NAB1: variants seen among roughly 807,000 people sequenced by gnomAD.
NAB1 encodes NGFI-A-binding protein 1.
A neutral mutation model predicts 49.9 loss-of-function variants in NAB1; 25 were observed. The observed-to-expected ratio is 0.50, with a 90% CI of 0.37 to 0.70. The LOEUF (loss-of-function observed/expected upper bound fraction) is 0.70. NAB1 is among the 30% of genes least tolerant of loss of function. The pLI is 0.00. For missense variants in NAB1, 489 were observed against 575.9 expected (o/e 0.85, Z 1.54); for synonymous variants, 198 against 215.6 (o/e 0.92, Z 0.71).
In NAB1 at chr2:190,687,219, T is replaced by G. The variant is rs1343503538; in HGVS notation, c.1277T>G (p.Leu426Arg). The change falls in exon 9 of 10, where the codon CTC becomes CGC. Residue 426 changes from leucine (L) to arginine (R), a missense_variant. Transcript: ENST00000337386. Reference sequence around the variant, plus strand: ...TCATTAGGAGAAAGACCTTTGAATCTCCGAATGCCTAATTTACAGAACAGA... The same window carrying G: ...TCATTAGGAGAAAGACCTTTGAATCGCCGAATGCCTAATTTACAGAACAGA... ...SDGQGERPLN[L>R]RMPNLQNRQP... 3 of 1,584,858 alleles carry G rather than the reference T, an allele frequency of 1.9e-6. No homozygotes were observed. Among genetic ancestry groups the G allele is most frequent in the Non-Finnish European group, 2.6e-6 (3 of 1,171,384 alleles).
Position 190,689,334 on chromosome 2 carries a change from G to A in NAB1, c.1376-911G>A, listed in dbSNP as rs1201800441. Among the ~76,000 whole-genome samples the A allele has an allele frequency of 1.3e-5, 2 of 152,066 alleles. No homozygotes were observed. Among genetic ancestry groups the A allele is most frequent in the South Asian group, 2.1e-4 (1 of 4,820 alleles). On this transcript the variant is annotated intron_variant, in intron 9 of 9. Coordinates refer to ENST00000337386, the MANE Select transcript of NAB1 (RefSeq NM_005966.4). This position sits in a 1 kb window ranked among gnomAD's most constrained non-coding sequence, Gnocchi z 4.3. ...TTAAACAAGATAGTGTACCTGCATCGTACACTATCTATTCCAGCCAGCAGG... is the reference window on the plus strand; with the variant it reads ...TTAAACAAGATAGTGTACCTGCATCATACACTATCTATTCCAGCCAGCAGG...
At position 190,678,195 on chromosome 2, in the gene NAB1, A is replaced by G. The variant is rs973500529; in HGVS notation, c.1005+5043A>G. Among the ~76,000 whole-genome samples the G allele has an allele frequency of 6.6e-6, 1 of 152,230 alleles. No individual in the cohort carries two copies. The highest frequency in any genetic ancestry group is 2.4e-5 in the African/African-American group (1 of 41,470). On this transcript the variant is annotated intron_variant, in intron 6 of 9. Coordinates refer to ENST00000337386, the MANE Select transcript of NAB1 (RefSeq NM_005966.4). This position sits in a 1 kb window ranked among gnomAD's most constrained non-coding sequence, Gnocchi z 4.9. The stretch of plus-strand genomic sequence containing the variant: ...GTCCTACCTATGAAAGAACATATTT[A>G]AGGTGGCTTGACAGCTCATTCAAGG...
rs988114374 is a variant in NAB1, at chr2:190,677,389, T to G, written c.1005+4237T>G. 6.6e-6 allele frequency: 1 copy of G among 152,198 alleles called. No homozygotes were observed. Among genetic ancestry groups the G allele is most frequent in the Non-Finnish European group, 1.5e-5 (1 of 68,034 alleles). 9.4% of individuals were successfully genotyped at this position (152,198 alleles called of 1,614,324 possible). A position where few individuals can be genotyped will look rare whatever the true frequency, so the allele number is the denominator to read the frequency against. Reference sequence around the variant, plus strand: ...TAGCTTAGGTGTGCCTTAAGGAACCTACCATTTGGAATGAAATCTCTAGGG... The same window carrying G: ...TAGCTTAGGTGTGCCTTAAGGAACCGACCATTTGGAATGAAATCTCTAGGG... On this transcript the variant is annotated intron_variant, in intron 6 of 9. Transcript: ENST00000337386. The surrounding 1 kb of genome is among the most constrained non-coding windows in gnomAD (Gnocchi z 5.6).
intron 6 of NAB1, among the ~76,000 whole-genome samples, chr2:190,683,297 A>ATTTTTTTT (rs767640681): frequency 3.9e-5 from 3 of 76,140 alleles, no homozygotes; most frequent in Admixed American, 1.8e-4. Flanking sequence ...CTCCCAGCTA[A>ATTTTTTTT]TTTTTTTTTT....
At position 190,691,809 on chromosome 2, in the gene NAB1, AT is replaced by A. The variant is rs761046122; in HGVS notation, c.*1477del. On this transcript the variant is annotated 3_prime_UTR_variant, in exon 10 of 10. Transcript: ENST00000337386. The surrounding 1 kb of genome is among the most constrained non-coding windows in gnomAD (Gnocchi z 4.1). Reference sequence around the variant, plus strand: ...CTGCTCTAGATCATAATTGTAAAAAATATTAAGTCATAATCTGTTACACTAA... The same window carrying A: ...CTGCTCTAGATCATAATTGTAAAAAAATTAAGTCATAATCTGTTACACTAA... The A allele has an allele frequency of 6.6e-6, 1 of 152,164 alleles. No homozygotes were observed. The highest frequency in any genetic ancestry group is 1.9e-4 in the East Asian group (1 of 5,190). 9.4% of individuals were successfully genotyped at this position (152,164 alleles called of 1,614,324 possible). A position where few individuals can be genotyped will look rare whatever the true frequency, so the allele number is the denominator to read the frequency against.
intron 5 of NAB1, among the ~76,000 whole-genome samples, chr2:190,671,558 C>A (rs1192006193): frequency 1.3e-5 from 2 of 151,646 alleles, no homozygotes; most frequent in East Asian, 1.9e-4. Flanking sequence ...TTGTATTATA[C>A]ACTATTTTCT....
chr2:190,681,150 C>T (rs1333632944), intron 6 of NAB1, among the ~76,000 whole-genome samples: 1 of 152,124 alleles, frequency 6.6e-6, no homozygotes, highest in East Asian at 1.9e-4. Flanking sequence ...AAGGTAGTAA[C>T]TCTGAATTTA....
rs1337003407 is a variant in NAB1, at chr2:190,659,097, T to C, written c.-19-61T>C. The C allele has an allele frequency of 1.8e-6, 2 of 1,096,486 alleles. No homozygotes were observed. Among genetic ancestry groups the C allele is most frequent in the Admixed American group, 5.5e-5 (2 of 36,612 alleles). The allele number at this position is 1,096,486 out of a possible 1,614,324, so 67.9% of individuals were successfully genotyped here. On this transcript the variant is annotated intron_variant, in intron 3 of 9. Transcript: ENST00000337386. The surrounding 1 kb of genome is among the most constrained non-coding windows in gnomAD (Gnocchi z 6.2). ...TCTTAAAACCTGTAGTGTAACCTATTTGGTGTAAGGAGTTTGAAGCAAGTA... is the reference window on the plus strand; with the variant it reads ...TCTTAAAACCTGTAGTGTAACCTATCTGGTGTAAGGAGTTTGAAGCAAGTA...
intron 6 of NAB1, 65 bp from the exon 7 acceptor site, chr2:190,683,673 A>G: frequency 4.3e-6 from 5 of 1,151,786 alleles, no homozygotes; most frequent in Non-Finnish European, 6.3e-6. Flanking sequence ...TTTATTTTCA[A>G]GTTTTTGATA....
chr2:190,653,536 G>C lies in NAB1; in HGVS notation c.-196-2441G>C, dbSNP rs144794583. Among the ~76,000 whole-genome samples, 790 of 152,208 alleles carry C rather than the reference G, an allele frequency of 5.2e-3. 14 individuals are homozygous for C. Among genetic ancestry groups the C allele is most frequent in the African/African-American group, 0.018 (764 of 41,516 alleles). ...CAGGCCTTACTAGGATTTTGCCCGT[G>C]GTTTCTTCCCACTCCTGGAAGTGTG... On this transcript the variant is annotated intron_variant, in intron 2 of 9. Coordinates refer to ENST00000337386, the MANE Select transcript of NAB1 (RefSeq NM_005966.4).
At chr2:190,688,821 T>C (rs898386387) in intron 9 of NAB1, among the ~76,000 whole-genome samples, 1 of 151,662 alleles carries the variant, frequency 6.6e-6, no homozygotes, top group Non-Finnish European at 1.5e-5. Context: ...TTTCTTTCCT[T>C]TCTTTCTTTT....
In NAB1 at chr2:190,659,061, C is replaced by T; in HGVS notation, c.-19-97C>T. On this transcript the variant is annotated intron_variant, in intron 3 of 9. Coordinates refer to ENST00000337386, the MANE Select transcript of NAB1 (RefSeq NM_005966.4). This position sits in a 1 kb window ranked among gnomAD's most constrained non-coding sequence, Gnocchi z 6.2. ...ACAGGCAGTCACGATGCAGATGCTT[C>T]TCGTTTTTGTTCTTAAAACCTGTAG... 1 of 751,162 alleles carries T rather than the reference C, an allele frequency of 1.3e-6. No individual in the cohort carries two copies. Among genetic ancestry groups the T allele is most frequent in the South Asian group, 2.0e-5 (1 of 50,538 alleles). The allele number at this position is 751,162 out of a possible 1,614,324, so 46.5% of individuals were successfully genotyped here. A position where few individuals can be genotyped will look rare whatever the true frequency, so the allele number is the denominator to read the frequency against.
intron 9 of NAB1, 91 bp from the exon 10 acceptor site, chr2:190,690,154 A>G (rs1695884115): frequency 1.1e-6 from 1 of 903,644 alleles, no homozygotes; most frequent in South Asian, 1.4e-5. Context: ...ACTATTTGAT[A>G]TGGAGTTTGG....
intron 9 of NAB1, 28 bp downstream of exon 9, chr2:190,687,345 T>C (rs1055009970): frequency 8.9e-7 from 1 of 1,123,454 alleles, no homozygotes; most frequent in Non-Finnish European, 1.3e-6. Context: ...GATGAGAGGG[T>C]AACACTTGAA....
In NAB1 at chr2:190,690,257, T is replaced by G; in HGVS notation, c.1388T>G (p.Ile463Ser). 6.2e-7 allele frequency: 1 copy of G among 1,611,046 alleles called. No homozygotes were observed. The highest frequency in any genetic ancestry group is 8.5e-7 in the Non-Finnish European group (1 of 1,177,586). Residue 463 changes from isoleucine to serine, a missense_variant, in exon 10 of 10, where the codon ATT becomes AGT. Transcript: ENST00000337386. Reference sequence around the variant, plus strand: ...CATTTTTATGTAGAGAGCCTTGGGATTTTAAAAGACTACCCTCATTCAGCT... The same window carrying G: ...CATTTTTATGTAGAGAGCCTTGGGAGTTTAAAAGACTACCCTCATTCAGCT... ...AKSHSSESLG[I>S]LKDYPHSAFT...
Position 190,666,320 on chromosome 2 carries a change from AAGAAAGTTTTTTT to A in NAB1, c.820-4003_820-3991del, listed in dbSNP as rs1458926796. Among the ~76,000 whole-genome samples, 3 of 152,026 alleles carry A rather than the reference AAGAAAGTTTTTTT, an allele frequency of 2.0e-5. No individual in the cohort carries two copies. The highest frequency in any genetic ancestry group is 7.3e-5 in the African/African-American group (3 of 41,282). Reference sequence around the variant, plus strand: ...GAGATTATAATTTTAACAACCTGTAAAGAAAGTTTTTTTAGGAATCAGTAAACCACTCTTCTTA... The same window carrying A: ...GAGATTATAATTTTAACAACCTGTAAAGGAATCAGTAAACCACTCTTCTTA... On this transcript the variant is annotated intron_variant, in intron 4 of 9. Coordinates refer to ENST00000337386, the MANE Select transcript of NAB1 (RefSeq NM_005966.4). The surrounding 1 kb of genome is among the most constrained non-coding windows in gnomAD (Gnocchi z 5.6).
At chr2:190,660,221 G>T (rs1694151644) in intron 4 of NAB1, among the ~76,000 whole-genome samples, 1 of 145,984 alleles carries the variant, frequency 6.9e-6, no homozygotes, top group African/African-American at 2.5e-5. Context: ...TGGAACTACA[G>T]TACGAGGTGA....
rs1406247989 is a variant in NAB1, at chr2:190,689,029, G to A, written c.1376-1216G>A. Reference sequence around the variant, plus strand: ...AATTTTTTGTATTTTTAGTAGAGACGGGGTTTTACCGTGGTCTCAATCTCC... The same window carrying A: ...AATTTTTTGTATTTTTAGTAGAGACAGGGTTTTACCGTGGTCTCAATCTCC... On this transcript the variant is annotated intron_variant, in intron 9 of 9. Coordinates refer to ENST00000337386, the MANE Select transcript of NAB1 (RefSeq NM_005966.4). This position sits in a 1 kb window ranked among gnomAD's most constrained non-coding sequence, Gnocchi z 4.3. 6.6e-6 allele frequency among the ~76,000 whole-genome samples: 1 copy of A among 152,006 alleles called. No individual in the cohort carries two copies. Among genetic ancestry groups the A allele is most frequent in the East Asian group, 1.9e-4 (1 of 5,168 alleles).
Position 190,670,885 on chromosome 2 carries a change from G to T in NAB1, c.953+426G>T, listed in dbSNP as rs1236503409. 1.3e-5 allele frequency among the ~76,000 whole-genome samples: 2 copies of T among 152,180 alleles called. No individual in the cohort carries two copies. Among genetic ancestry groups the T allele is most frequent in the Admixed American group, 1.3e-4 (2 of 15,286 alleles). Reference sequence around the variant, plus strand: ...ATGAGATTAGCTGAATATGTAAAACGACTCTATTGACTAGTATCTAAGGGA... The same window carrying T: ...ATGAGATTAGCTGAATATGTAAAACTACTCTATTGACTAGTATCTAAGGGA... On this transcript the variant is annotated intron_variant, in intron 5 of 9. Coordinates refer to ENST00000337386, the MANE Select transcript of NAB1 (RefSeq NM_005966.4). This position sits in a 1 kb window ranked among gnomAD's most constrained non-coding sequence, Gnocchi z 5.3.
Sources: allele counts gnomAD v4.1 joint callset (sites outside exome capture counted in the v4.1 genomes callset), GRCh38; gene constraint gnomAD v4.1.1; non-coding constraint Gnocchi (gnomAD v3.1); transcripts MANE v1.5; gene names NCBI Gene and HGNC (gene_info 2026-07-23, HGNC 2026-07-21).